The following ARHGAP15 variants were observed in gnomAD, a reference collection of about 807,000 sequenced individuals.
ARHGAP15 encodes Rho GTPase activating protein 15.
In ARHGAP15, 51 loss-of-function variants were observed where a neutral mutation model predicts 63.7. The ratio of observed to expected loss-of-function variants is 0.80; its 90% CI spans 0.64 to 1.01. The LOEUF (loss-of-function observed/expected upper bound fraction) is 1.01, where lower values mean the gene tolerates loss of function less well. ARHGAP15 is among the 50% of genes least tolerant of loss of function. ARHGAP15 has a pLI of 0.00. For missense variants in ARHGAP15, 560 were observed against 564.6 expected (o/e 0.99, Z 0.08); for synonymous variants, 191 against 193.8 (o/e 0.99, Z 0.12).
At position 143,436,925 on chromosome 2, in the gene ARHGAP15, A is replaced by T. The variant is rs1352439659; in HGVS notation, c.586A>T (p.Ser196Cys). 5 of 1,609,896 alleles carry T rather than the reference A, an allele frequency of 3.1e-6. No homozygotes were observed. The highest frequency in any genetic ancestry group is 3.4e-6 in the Non-Finnish European group (4 of 1,178,848). Residue 196 changes from serine (S) to cysteine (C), a missense_variant, in exon 8 of 14, where the codon AGT (serine) becomes TGT (cysteine). Transcript: ENST00000295095. ...NAIDRLPKDSSCPSRNLELFK... is the reference protein window; with the variant it reads ...NAIDRLPKDSCCPSRNLELFK... ...TTGCTGTTTCCAGCCAAAGGATTCA[A>T]GTTGTCCATCAAGAAACCTGGAATT...
At chr2:143,148,738 A>G (rs1373803357) in intron 1 of ARHGAP15, among the ~76,000 whole-genome samples, 1 of 152,056 alleles carries the variant, frequency 6.6e-6, no homozygotes, top group Non-Finnish European at 1.5e-5. Flanking sequence ...ACATTCCTTT[A>G]CTGTGATCTT....
At chr2:143,446,998 G>A (rs1690173011) in intron 8 of ARHGAP15, among the ~76,000 whole-genome samples, 1 of 152,056 alleles carries the variant, frequency 6.6e-6, no homozygotes, top group African/African-American at 2.4e-5. Flanking sequence ...TGGTGTATAT[G>A]TGCCACATTT....
At chr2:143,540,003 G>C (rs952914381) in intron 10 of ARHGAP15, among the ~76,000 whole-genome samples, 1 of 152,120 alleles carries the variant, frequency 6.6e-6, no homozygotes, top group Non-Finnish European at 1.5e-5. Context: ...CATTATTATT[G>C]TGTGGGAGTC....
At chr2:143,276,538 T>A (rs1391506816) in intron 6 of ARHGAP15, among the ~76,000 whole-genome samples, 2 of 152,214 alleles carry the variant, frequency 1.3e-5, no homozygotes, top group African/African-American at 4.8e-5. Context: ...TTGTTAGACA[T>A]TTTTTGTTAA....
chr2:143,419,337 G>A (rs1688815988), intron 6 of ARHGAP15, among the ~76,000 whole-genome samples: 1 of 152,068 alleles, frequency 6.6e-6, no homozygotes, highest in South Asian at 2.1e-4. Context: ...GATTAGTAAT[G>A]CATTTCAGCA....
At chr2:143,304,283 G>A (rs1683063856) in intron 6 of ARHGAP15, among the ~76,000 whole-genome samples, 1 of 152,132 alleles carries the variant, frequency 6.6e-6, no homozygotes, top group African/African-American at 2.4e-5. Flanking sequence ...CATAAAAAAG[G>A]ATGAGTTCAT....
chr2:143,444,458 A>C (rs1690042810), intron 8 of ARHGAP15, among the ~76,000 whole-genome samples: 1 of 152,218 alleles, frequency 6.6e-6, no homozygotes, highest in Non-Finnish European at 1.5e-5. Context: ...CTGACATTTA[A>C]GCATTTAAGG....
chr2:143,382,194 C>T (rs577593131), intron 6 of ARHGAP15, among the ~76,000 whole-genome samples: 2 of 151,590 alleles, frequency 1.3e-5, no homozygotes, highest in Admixed American at 6.6e-5. Context: ...AAAAACTGTA[C>T]TAATATCCTA....
intron 6 of ARHGAP15, among the ~76,000 whole-genome samples, chr2:143,258,904 G>A (rs1680566150): frequency 6.6e-6 from 1 of 152,062 alleles, no homozygotes; most frequent in Admixed American, 6.6e-5. Context: ...GTGAACAAGT[G>A]TAAACTAAAA....
rs545094633 is a variant in ARHGAP15, at chr2:143,164,845, T to G, written c.165+9190T>G. On this transcript the variant is annotated intron_variant, in intron 2 of 13. Transcript: ENST00000295095. ...GCAGTTTTCCATGTGCAAAAACCAT[T>G]GATAACAAAAATTACATGGGCTGAC... Among the ~76,000 whole-genome samples the G allele has an allele frequency of 2.0e-5, 3 of 152,112 alleles. No individual in the cohort carries two copies. The East Asian group carries it at 5.8e-4, about 30-fold the overall frequency.
chr2:143,418,495 G>T (rs1688778398), intron 6 of ARHGAP15, among the ~76,000 whole-genome samples: 5 of 152,048 alleles, frequency 3.3e-5, no homozygotes, highest in Middle Eastern at 3.2e-3. Flanking sequence ...TAAATTTTTT[G>T]TTCGTCCCAA....
chr2:143,131,217 G>C (rs1688902835), intron 1 of ARHGAP15, among the ~76,000 whole-genome samples: 1 of 152,046 alleles, frequency 6.6e-6, no homozygotes, highest in South Asian at 2.1e-4. Context: ...AAAGATGATA[G>C]GTAAATTAAA....
At chr2:143,532,036 G>A (rs1694543231) in intron 10 of ARHGAP15, among the ~76,000 whole-genome samples, 1 of 152,218 alleles carries the variant, frequency 6.6e-6, no homozygotes, top group Non-Finnish European at 1.5e-5. Flanking sequence ...TCACAATGCT[G>A]AAATGAAGGC....
intron 13 of ARHGAP15, among the ~76,000 whole-genome samples, chr2:143,746,073 CTA>C (rs1469804443): frequency 2.6e-5 from 4 of 152,160 alleles, no homozygotes; most frequent in Admixed American, 1.3e-4. Context: ...CCACACAATT[CTA>C]TATGTCAGTG....
intron 6 of ARHGAP15, among the ~76,000 whole-genome samples, chr2:143,392,323 G>A (rs552631257): frequency 2.0e-5 from 3 of 152,228 alleles, no homozygotes; most frequent in South Asian, 4.1e-4. Flanking sequence ...ATATTATCCT[G>A]CCAAGTCTTT....
At chr2:143,340,212 G>A (rs1684996752) in intron 6 of ARHGAP15, among the ~76,000 whole-genome samples, 1 of 152,144 alleles carries the variant, frequency 6.6e-6, no homozygotes, top group Admixed American at 6.6e-5. Flanking sequence ...TGGAATAACG[G>A]TTTAAGCTGC....
At chr2:143,349,424 TATATTA>T (rs1200850690) in intron 6 of ARHGAP15, among the ~76,000 whole-genome samples, 1 of 152,182 alleles carries the variant, frequency 6.6e-6, no homozygotes, top group African/African-American at 2.4e-5. Context: ...ATCCATGGCA[TATATTA>T]ATTCACCTTC....
intron 8 of ARHGAP15, among the ~76,000 whole-genome samples, chr2:143,487,061 G>A (rs1313405218): frequency 6.6e-6 from 1 of 152,098 alleles, no homozygotes; most frequent in Non-Finnish European, 1.5e-5. Flanking sequence ...TCTTTACTCT[G>A]ACCACAATTT....
intron 1 of ARHGAP15, among the ~76,000 whole-genome samples, chr2:143,141,716 C>T (rs754770887): frequency 2.0e-5 from 3 of 152,136 alleles, no homozygotes; most frequent in Non-Finnish European, 4.4e-5. Context: ...AATGCAAATG[C>T]AAATGCAGTC....
Sources: gnomAD v4.1 joint callset for allele counts (sites outside exome capture counted in the v4.1 genomes callset) on GRCh38, gnomAD v4.1.1 for gene constraint, MANE v1.5 for transcripts, NCBI Gene and HGNC (gene_info 2026-07-23, HGNC 2026-07-21) for gene names.